The following CEP128 variants were observed in gnomAD, a reference collection of about 807,000 sequenced individuals.
The protein encoded by CEP128 is centrosomal protein 128, also known as centrosomal protein 128kDa.
Under a neutral mutation model 156.7 loss-of-function variants are expected in CEP128, and 132 were observed. The ratio of observed to expected loss-of-function variants is 0.84; its 90% CI spans 0.73 to 0.97. The LOEUF is 0.97. CEP128 is among the 50% of genes least tolerant of loss of function. The pLI is 0.00. For synonymous variants in CEP128, 469 were observed against 448.9 expected (o/e 1.04, Z -0.57); for missense variants, 1,252 against 1,281.9 (o/e 0.98, Z 0.36).
chr14:80,536,927 C>T (rs1216757066), intron 21 of CEP128, among the ~76,000 whole-genome samples: 1 of 151,628 alleles, frequency 6.6e-6, no homozygotes, highest in Admixed American at 6.6e-5. Flanking sequence ...GTACATAAGG[C>T]TTGTTAAGTA....
At chr14:80,531,724 G>A (rs757345483) in intron 21 of CEP128, among the ~76,000 whole-genome samples, 11 of 152,086 alleles carry the variant, frequency 7.2e-5, no homozygotes, top group Non-Finnish European at 1.5e-4. Flanking sequence ...TATGGCTGAC[G>A]CATGGGAAGA....
rs889793741 is a variant in CEP128, at chr14:80,793,040, T to C, written c.1280A>G (p.Gln427Arg). The C allele has an allele frequency of 5.0e-6, 8 of 1,614,086 alleles. No homozygotes were observed. The highest frequency in any genetic ancestry group is 1.3e-5 in the African/African-American group (1 of 74,950). ...GGCCTCACATGTGTCAAAGTGATTC[T>C]GGATCTCCTTAAGTCGATCCAACAT... is the stretch of plus-strand genomic sequence containing the variant. ...LQMLDRLKEI[Q>R]NHFDTCEAER... The change falls in exon 14 of 25, where the codon CAG (glutamine) becomes CGG (arginine). Residue 427 changes from glutamine (Q) to arginine (R), a missense_variant. Gln to Arg is a conservative substitution (Grantham distance 43). Transcript: ENST00000555265.
At chr14:80,666,197 G>A (rs548843014) in intron 19 of CEP128, among the ~76,000 whole-genome samples, 4 of 152,152 alleles carry the variant, frequency 2.6e-5, no homozygotes, top group Non-Finnish European at 5.9e-5. Flanking sequence ...TAAAACAATA[G>A]TATGAAAAGA....
At chr14:80,876,869 A>G (rs1404083598) in intron 8 of CEP128, among the ~76,000 whole-genome samples, 2 of 152,236 alleles carry the variant, frequency 1.3e-5, no homozygotes, top group Non-Finnish European at 2.9e-5. Flanking sequence ...AAATCTTAAA[A>G]TATGTTCTTA....
intron 19 of CEP128, among the ~76,000 whole-genome samples, chr14:80,685,538 C>A (rs1324110296): frequency 6.6e-6 from 1 of 152,012 alleles, no homozygotes; most frequent in African/African-American, 2.4e-5. Context: ...TCTACAGATT[C>A]AACGTTATTC....
At chr14:80,869,208 G>A (rs1426472583) in intron 8 of CEP128, among the ~76,000 whole-genome samples, 2 of 151,916 alleles carry the variant, frequency 1.3e-5, no homozygotes, top group Admixed American at 1.3e-4. Context: ...CATTCTCCAG[G>A]ATAGATCATG....
At chr14:80,534,470 G>C (rs188478706) in intron 21 of CEP128, among the ~76,000 whole-genome samples, 13 of 152,194 alleles carry the variant, frequency 8.5e-5, no homozygotes, top group African/African-American at 3.1e-4. Flanking sequence ...TTTCTAAGTT[G>C]GTTAATTTTT....
At chr14:80,855,573 A>T (rs141262911) in intron 9 of CEP128, among the ~76,000 whole-genome samples, 132 of 152,294 alleles carry the variant, frequency 8.7e-4, no homozygotes, top group African/African-American at 3.0e-3. Flanking sequence ...ACTACAAAAA[A>T]AAAGGGGCAT....
chr14:80,576,231 T>A (rs1289595874), intron 20 of CEP128, among the ~76,000 whole-genome samples: 4 of 152,104 alleles, frequency 2.6e-5, no homozygotes, highest in African/African-American at 9.7e-5. Flanking sequence ...GAAAAATGGA[T>A]TACCTTGTGT....
At chr14:80,513,565 C>T (rs964519746) in intron 23 of CEP128, among the ~76,000 whole-genome samples, 2 of 152,098 alleles carry the variant, frequency 1.3e-5, no homozygotes, top group Admixed American at 6.6e-5. Context: ...ACTCTAATCT[C>T]TCTCTCTCTA....
chr14:80,776,811 C>T (rs1900817686), intron 16 of CEP128, among the ~76,000 whole-genome samples: 1 of 152,036 alleles, frequency 6.6e-6, no homozygotes, highest in Admixed American at 6.5e-5. Context: ...CCTTCAATTT[C>T]AAACCCTTTT....
chr14:80,828,123 CTT>C (rs1008856396), intron 13 of CEP128, among the ~76,000 whole-genome samples: 32 of 126,940 alleles, frequency 2.5e-4, no homozygotes, highest in Non-Finnish European at 3.3e-4. Context: ...CTTCTTTTTT[CTT>C]TTTTTTTTTT....
At chr14:80,728,429 G>A (rs2139504778) in intron 19 of CEP128, among the ~76,000 whole-genome samples, 2 of 152,086 alleles carry the variant, frequency 1.3e-5, no homozygotes, top group South Asian at 4.2e-4. Flanking sequence ...CACTATCATA[G>A]TAATGAAATC....
chr14:80,622,734 A>C (rs929693159), intron 19 of CEP128, among the ~76,000 whole-genome samples: 5 of 151,076 alleles, frequency 3.3e-5, no homozygotes, highest in African/African-American at 1.2e-4. Context: ...GCCATCAGAG[A>C]AATGCAAATC....
At chr14:80,569,572 C>A (rs560558146) in intron 20 of CEP128, among the ~76,000 whole-genome samples, 1 of 151,890 alleles carries the variant, frequency 6.6e-6, no homozygotes, top group African/African-American at 2.4e-5. Flanking sequence ...ATTATACTTT[C>A]TTTCCATTTA....
intron 1 of CEP128, among the ~76,000 whole-genome samples, chr14:80,941,043 G>A (rs975404991): frequency 6.6e-6 from 1 of 152,188 alleles, no homozygotes; most frequent in Non-Finnish European, 1.5e-5. Flanking sequence ...TCAATGTCAG[G>A]TATTTTTACG....
At chr14:80,672,714 T>A (rs1382402214) in intron 19 of CEP128, among the ~76,000 whole-genome samples, 1 of 152,182 alleles carries the variant, frequency 6.6e-6, no homozygotes, top group African/African-American at 2.4e-5. Flanking sequence ...GACTTCTAAA[T>A]GAGTTGGTTA....
chr14:80,761,393 G>A, intron 17 of CEP128, 44 bp downstream of exon 17: 1 of 1,355,638 alleles, frequency 7.4e-7, no homozygotes, highest in South Asian at 1.5e-5. Context: ...TATATATTAG[G>A]AAACTAACTG....
rs199710872 is a variant in CEP128 at position 80,580,409 on chromosome 14, T to C, written c.2821A>G (p.Thr941Ala). Reference sequence around the variant, plus strand: ...CCCATTTCTTCATCTTTTCTTTGGGTCTCTTCCAGTAGATCTGTAATAAGA... The same window carrying C: ...CCCATTTCTTCATCTTTTCTTTGGGCCTCTTCCAGTAGATCTGTAATAAGA... ...HREKRDLLEE[T>A]QRKDEEMGSL... The change falls in exon 20 of 25, where the codon ACC (threonine) becomes GCC (alanine). Residue 941 changes from threonine to alanine, a missense_variant. By Grantham distance (58) the Thr-to-Ala change is moderately conservative. Transcript: ENST00000555265. 9 of 1,598,186 alleles carry C rather than the reference T, an allele frequency of 5.6e-6. No individual in the cohort carries two copies. The highest frequency in any genetic ancestry group is 3.4e-6 in the Non-Finnish European group (4 of 1,167,346).
Sources: gnomAD v4.1 joint callset for allele counts (sites outside exome capture counted in the v4.1 genomes callset) on GRCh38, gnomAD v4.1.1 for gene constraint, MANE v1.5 for transcripts, NCBI Gene and HGNC (gene_info 2026-07-23, HGNC 2026-07-21) for gene names.